GRM7: variants seen among roughly 807,000 people sequenced by gnomAD.
GRM7 encodes metabotropic glutamate receptor 7.
Under a neutral mutation model 84.5 loss-of-function variants are expected in GRM7, and 35 were observed. The observed-to-expected ratio is 0.41, with a 90% CI of 0.32 to 0.55. The LOEUF (loss-of-function observed/expected upper bound fraction) is 0.55. Among genes scored for constraint, GRM7 ranks in the 20% least tolerant of loss-of-function variants. GRM7 has a pLI of 0.19. For synonymous variants in GRM7, 487 were observed against 455.1 expected (o/e 1.07, Z -0.89); for missense variants, 1,003 against 1,194.6 (o/e 0.84, Z 2.36).
chr3:6,869,654 G>A (rs1472367507), intron 1 of GRM7, among the ~76,000 whole-genome samples: 3 of 149,820 alleles, frequency 2.0e-5, no homozygotes, highest in African/African-American at 4.9e-5. Flanking sequence ...ACAGATAGAA[G>A]GAGAGAGAGA....
At chr3:7,656,703 C>A (rs1699219425) in intron 8 of GRM7, among the ~76,000 whole-genome samples, 1 of 151,890 alleles carries the variant, frequency 6.6e-6, no homozygotes. Context: ...GATGGCCCCA[C>A]TTAAAAGTGT....
intron 1 of GRM7, among the ~76,000 whole-genome samples, chr3:7,088,450 A>G (rs1698537672): frequency 6.6e-6 from 1 of 151,976 alleles, no homozygotes; most frequent in Admixed American, 6.6e-5. Context: ...TGAGAAAAAT[A>G]GTGTATTGAC....
chr3:7,149,832 T>A (rs1694227443), intron 2 of GRM7, among the ~76,000 whole-genome samples: 2 of 152,216 alleles, frequency 1.3e-5, no homozygotes, highest in South Asian at 4.1e-4. Flanking sequence ...AATATCTGAT[T>A]ACATTGAATC....
chr3:7,077,903 C>G (rs909178891), intron 1 of GRM7, among the ~76,000 whole-genome samples: 34 of 152,018 alleles, frequency 2.2e-4, no homozygotes, highest in Admixed American at 6.6e-5. Context: ...CAATACAGTG[C>G]TATGATTTAA....
chr3:7,060,173 C>A (rs1387891753), intron 1 of GRM7, among the ~76,000 whole-genome samples: 1 of 151,678 alleles, frequency 6.6e-6, no homozygotes, highest in Admixed American at 6.6e-5. Context: ...TTGGCAAGGC[C>A]CTTGAGTTAA....
chr3:7,365,335 T>C (rs2125110086), intron 4 of GRM7, among the ~76,000 whole-genome samples: 1 of 151,808 alleles, frequency 6.6e-6, no homozygotes, highest in South Asian at 2.1e-4. Flanking sequence ...TAACTCACAC[T>C]CTTCTCTCTC....
rs796542603 is a variant in GRM7 at position 7,387,558 on chromosome 3, T to C, written c.1034-27465T>C. On this transcript the variant is annotated intron_variant, in intron 4 of 9. Transcript: ENST00000357716. ...AATTGACTAGGATATATTTTCTCTA[T>C]TGTTTATTTGCTGACTTTGTCAAAG... 5.9e-5 allele frequency among the ~76,000 whole-genome samples: 9 copies of C among 152,176 alleles called. No homozygotes were observed. The South Asian group carries it at 1.9e-3, about 31-fold the overall frequency.
At position 7,191,569 on chromosome 3, in the gene GRM7, G is replaced by A. The variant is rs1695712824; in HGVS notation, c.736+44901G>A. ...TTGGAATACTGCTGGCAATAAACAG[G>A]AACACAATATTGGTAAAAGCTACAA... On this transcript the variant is annotated intron_variant, in intron 2 of 9. Transcript: ENST00000357716. Among the ~76,000 whole-genome samples the A allele has an allele frequency of 2.0e-5, 3 of 151,498 alleles. No homozygotes were observed. In the South Asian group the frequency reaches 6.2e-4, roughly 31 times the overall value.
intron 1 of GRM7, among the ~76,000 whole-genome samples, chr3:6,948,045 C>T (rs1378478070): frequency 2.0e-5 from 3 of 152,124 alleles, no homozygotes; most frequent in Non-Finnish European, 4.4e-5. Flanking sequence ...TTTATTGTGT[C>T]TCTATTTCCT....
intron 1 of GRM7, among the ~76,000 whole-genome samples, chr3:7,123,582 G>A (rs1693296847): frequency 6.6e-6 from 1 of 151,874 alleles, no homozygotes. Context: ...TTGCCCCACT[G>A]TACTCCAGCC....
At chr3:7,386,757 C>T (rs1694800768) in intron 4 of GRM7, among the ~76,000 whole-genome samples, 3 of 152,022 alleles carry the variant, frequency 2.0e-5, no homozygotes, top group East Asian at 3.9e-4. Flanking sequence ...TTGGGTTGAA[C>T]GATTTATTTT....
intron 1 of GRM7, among the ~76,000 whole-genome samples, chr3:7,013,133 T>C (rs1317916030): frequency 1.7e-5 from 1 of 59,496 alleles, no homozygotes; most frequent in South Asian, 4.6e-4. Flanking sequence ...AACCCTACCA[T>C]AAAAAAAAAA....
chr3:7,442,184 A>T (rs1409945880), intron 5 of GRM7, among the ~76,000 whole-genome samples: 2 of 151,990 alleles, frequency 1.3e-5, no homozygotes, highest in Non-Finnish European at 2.9e-5. Flanking sequence ...GTTGTTTTAG[A>T]TATCTTTCAC....
chr3:7,218,030 C>A (rs541605760), intron 2 of GRM7, among the ~76,000 whole-genome samples: 15 of 151,918 alleles, frequency 9.9e-5, no homozygotes, highest in Non-Finnish European at 1.9e-4. Context: ...ATTTAGCCAA[C>A]CTTTGCTGTT....
chr3:7,331,397 A>C (rs375873321), intron 4 of GRM7, among the ~76,000 whole-genome samples: 1 of 152,230 alleles, frequency 6.6e-6, no homozygotes, highest in East Asian at 1.9e-4. Context: ...AAATGATCAA[A>C]AGGTTAGATA....
At chr3:7,101,630 T>A (rs1699110979) in intron 1 of GRM7, among the ~76,000 whole-genome samples, 1 of 151,270 alleles carries the variant, frequency 6.6e-6, no homozygotes, top group South Asian at 2.1e-4. Flanking sequence ...AAAATTCTAC[T>A]TTCCTCCTTT....
intron 8 of GRM7, among the ~76,000 whole-genome samples, chr3:7,667,371 G>A (rs774157687): frequency 6.6e-6 from 1 of 152,002 alleles, no homozygotes; most frequent in South Asian, 2.1e-4. Flanking sequence ...TCGGATGGGT[G>A]GGCCTGACAT....
chr3:7,378,375 T>C (rs965090645), intron 4 of GRM7, among the ~76,000 whole-genome samples: 1 of 152,162 alleles, frequency 6.6e-6, no homozygotes, highest in Non-Finnish European at 1.5e-5. Flanking sequence ...CTGAAAATAA[T>C]TGGACATCTA....
chr3:7,016,161 G>T (rs374027066), intron 1 of GRM7, among the ~76,000 whole-genome samples: 19 of 152,306 alleles, frequency 1.2e-4, no homozygotes, highest in East Asian at 7.7e-4. Context: ...ATTGTTAGCT[G>T]AATGCATGGC....
Sources: gnomAD v4.1 joint callset for allele counts (sites outside exome capture counted in the v4.1 genomes callset) on GRCh38, gnomAD v4.1.1 for gene constraint, MANE v1.5 for transcripts, NCBI Gene and HGNC (gene_info 2026-07-23, HGNC 2026-07-21) for gene names.